ADK: variants seen among roughly 807,000 people sequenced by gnomAD.
ADK encodes adenosine kinase, also known as N6,N6-dimethyladenosine kinase.
In ADK, 24 loss-of-function variants were observed where a neutral mutation model predicts 44.7. That is an observed-to-expected ratio of 0.54 (90% CI 0.39 to 0.76). The LOEUF is 0.76. Ranked by LOEUF, ADK falls within the 30% of genes least tolerant of loss-of-function variation. The pLI is 0.00. For missense variants in ADK, 321 were observed against 425.1 expected, an observed-to-expected ratio of 0.76 and a Z score of 2.15; for synonymous variants, 128 against 142.6, an observed-to-expected ratio of 0.90 and a Z score of 0.73.
At chr10:74,377,812 C>T (rs1444708033) in intron 4 of ADK, among the ~76,000 whole-genome samples, 1 of 152,150 alleles carries the variant, frequency 6.6e-6, no homozygotes, top group Non-Finnish European at 1.5e-5. Context: ...CGTGACCAAC[C>T]TCCTATCTCA....
At chr10:74,193,290 T>C (rs1039566605) in intron 1 of ADK, among the ~76,000 whole-genome samples, 7 of 152,152 alleles carry the variant, frequency 4.6e-5, no homozygotes, top group African/African-American at 1.7e-4. Context: ...AAGGTACATG[T>C]GCACAACATG....
Position 74,708,794 on chromosome 10 carries a change from T to C in ADK, c.*349T>C, listed in dbSNP as rs896781492. 1.3e-4 allele frequency: 32 copies of C among 243,592 alleles called. No homozygotes were observed. The highest frequency in any genetic ancestry group is 5.7e-4 in the Admixed American group (11 of 19,188). 15.1% of individuals were successfully genotyped at this position (243,592 alleles called of 1,614,324 possible). A position where few individuals can be genotyped will look rare whatever the true frequency, so the allele number is the denominator to read the frequency against. On this transcript the variant is annotated 3_prime_UTR_variant, in exon 11 of 11. Coordinates refer to ENST00000539909, the MANE Select transcript of ADK (RefSeq NM_006721.4). The stretch of plus-strand genomic sequence containing the variant: ...TTTACATTTCTGCTTTGAATGCAGA[T>C]GCAATTTAATATAATAGATTTTTTA...
chr10:74,303,612 T>TTTTTTTTTTTTA, intron 3 of ADK, among the ~76,000 whole-genome samples: 1 of 140,956 alleles, frequency 7.1e-6, no homozygotes, highest in South Asian at 2.3e-4. Flanking sequence ...TTTTTTTTTT[T>TTTTTTTTTTTTA]TTGCTAGAAA....
chr10:74,378,318 G>A (rs1338504665), intron 4 of ADK, among the ~76,000 whole-genome samples: 1 of 152,046 alleles, frequency 6.6e-6, no homozygotes, highest in African/African-American at 2.4e-5. Context: ...TGCAGATTGT[G>A]ATATTGTGCT....
At chr10:74,325,883 T>G (rs763219328) in intron 4 of ADK, among the ~76,000 whole-genome samples, 6 of 151,746 alleles carry the variant, frequency 4.0e-5, no homozygotes, top group African/African-American at 1.2e-4. Flanking sequence ...TAAGACAGAG[T>G]CTCTCTCTGT....
intron 3 of ADK, among the ~76,000 whole-genome samples, chr10:74,284,808 G>T (rs1436741264): frequency 6.6e-6 from 1 of 152,180 alleles, no homozygotes; most frequent in Non-Finnish European, 1.5e-5. Context: ...GTCCTAAAGG[G>T]TCTTTTGCAG....
At chr10:74,297,556 T>C (rs1044830455) in intron 3 of ADK, among the ~76,000 whole-genome samples, 2 of 152,226 alleles carry the variant, frequency 1.3e-5, no homozygotes, top group Non-Finnish European at 2.9e-5. Flanking sequence ...ATTCATATGT[T>C]ACCATAGGGC....
intron 4 of ADK, among the ~76,000 whole-genome samples, chr10:74,383,831 A>G (rs1019281068): frequency 6.6e-6 from 1 of 152,140 alleles, no homozygotes; most frequent in Non-Finnish European, 1.5e-5. Flanking sequence ...TTTTCTGCAT[A>G]TAGTAAACAT....
chr10:74,460,463 C>G (rs987415608), intron 6 of ADK, among the ~76,000 whole-genome samples: 5 of 151,938 alleles, frequency 3.3e-5, no homozygotes, highest in Non-Finnish European at 4.4e-5. Context: ...GCTTGTAATA[C>G]CTTGTATGAA....
chr10:74,439,733 C>T (rs1012880374), intron 6 of ADK, among the ~76,000 whole-genome samples: 3 of 152,028 alleles, frequency 2.0e-5, no homozygotes, highest in Non-Finnish European at 4.4e-5. Flanking sequence ...AGCAAACATT[C>T]TAGGGATATC....
At chr10:74,308,937 G>T (rs1840346760) in intron 3 of ADK, among the ~76,000 whole-genome samples, 2 of 151,978 alleles carry the variant, frequency 1.3e-5, no homozygotes, top group Non-Finnish European at 2.9e-5. Flanking sequence ...AAAATGGAAA[G>T]CAATTGCCCT....
At position 74,600,386 on chromosome 10, in the gene ADK, A is replaced by T. The variant is rs755607409; in HGVS notation, c.770A>T (p.Asp257Val). ...CCTTCCTTCTATTAATAGACTAAAG[A>T]CATTAAAGAGATAGCCAAAAAGACA... is the stretch of plus-strand genomic sequence containing the variant. The part of the protein sequence containing the change: ...FAREQGFETK[D>V]IKEIAKKTQA... The change falls in exon 9 of 11, where the codon GAC (aspartate) becomes GTC (valine). Residue 257 changes from aspartate to valine, a missense_variant. Physicochemically the swap from Asp to Val is radical, Grantham distance 152. Transcript: ENST00000539909. The T allele has an allele frequency of 1.9e-6, 3 of 1,607,450 alleles. No homozygotes were observed. Among genetic ancestry groups the T allele is most frequent in the Admixed American group, 1.7e-5 (1 of 59,780 alleles).
At chr10:74,693,243 G>A (rs924831407) in intron 10 of ADK, among the ~76,000 whole-genome samples, 7 of 152,196 alleles carry the variant, frequency 4.6e-5, no homozygotes, top group Non-Finnish European at 1.0e-4. Context: ...TGGAACTGGG[G>A]AGTAAGGGGA....
At chr10:74,701,104 A>C (rs1856403163) in intron 10 of ADK, among the ~76,000 whole-genome samples, 1 of 152,222 alleles carries the variant, frequency 6.6e-6, no homozygotes, top group Non-Finnish European at 1.5e-5. Context: ...AAACTATTTT[A>C]GATGTATTAC....
intron 3 of ADK, among the ~76,000 whole-genome samples, chr10:74,230,046 CTTTTTT>C (rs5786138): frequency 8.6e-6 from 1 of 116,202 alleles, no homozygotes. Flanking sequence ...TTAAAAGAAT[CTTTTTT>C]TTTTTTTTTT....
At chr10:74,389,477 TTAAATTTTCC>T (rs1231656698) in intron 4 of ADK, among the ~76,000 whole-genome samples, 1 of 152,206 alleles carries the variant, frequency 6.6e-6, no homozygotes, top group Non-Finnish European at 1.5e-5. Flanking sequence ...AAATTACTTG[TTAAATTTTCC>T]TAAACTGATT....
At position 74,648,610 on chromosome 10, in the gene ADK, G is replaced by A. The variant is rs545725784; in HGVS notation, c.878-21573G>A. Among the ~76,000 whole-genome samples, 18 of 150,478 alleles carry A rather than the reference G, an allele frequency of 1.2e-4. No homozygotes were observed. The South Asian group carries it at 2.5e-3, about 21-fold the overall frequency. ...GGAGAATCGCTTGAACCTGGGAGGC[G>A]GAGGTTGCAGTGAGCCGAGATCACA... is the stretch of plus-strand genomic sequence containing the variant. On this transcript the variant is annotated intron_variant, in intron 9 of 10. Transcript: ENST00000539909.
intron 6 of ADK, among the ~76,000 whole-genome samples, chr10:74,492,859 A>G (rs1020561710): frequency 6.6e-6 from 1 of 152,124 alleles, no homozygotes; most frequent in African/African-American, 2.4e-5. Flanking sequence ...TCATAACATT[A>G]TATTTTCAAA....
At chr10:74,676,589 A>C (rs1352969304) in intron 10 of ADK, among the ~76,000 whole-genome samples, 1 of 151,968 alleles carries the variant, frequency 6.6e-6, no homozygotes, top group East Asian at 1.9e-4. Context: ...CCATCCTCCC[A>C]CCTCAGTCTC....
Sources: allele counts gnomAD v4.1 joint callset (sites outside exome capture counted in the v4.1 genomes callset), GRCh38; gene constraint gnomAD v4.1.1; transcripts MANE v1.5; gene names NCBI Gene and HGNC (gene_info 2026-07-23, HGNC 2026-07-21).